ZNF445: variants seen among roughly 807,000 people sequenced by gnomAD.
ZNF445 encodes zinc finger protein 168.
Under a neutral mutation model 93.9 loss-of-function variants are expected in ZNF445, and 19 were observed. The observed-to-expected ratio is 0.20, with a 90% confidence interval of 0.14 to 0.30. ZNF445 has a LOEUF of 0.30. Ranked by LOEUF, ZNF445 falls within the 10% of genes least tolerant of loss-of-function variation. The probability of loss-of-function intolerance (pLI) is 1.00; values close to 1 mark genes in which losing one functional copy is unlikely to be tolerated. For synonymous variants in ZNF445, 449 were observed against 446.3 expected (o/e 1.01, Z -0.08); for missense variants, 1,058 against 1,259.4 (o/e 0.84, Z 2.42).
intron 1 of ZNF445, among the ~76,000 whole-genome samples, chr3:44,470,058 G>A (rs1439899914): frequency 6.6e-6 from 1 of 152,042 alleles, no homozygotes; most frequent in Non-Finnish European, 1.5e-5. Flanking sequence ...CTCCTGAATA[G>A]CTGAGACTAC....
intron 1 of ZNF445, among the ~76,000 whole-genome samples, chr3:44,459,253 C>A (rs1458463444): frequency 6.6e-6 from 1 of 152,092 alleles, no homozygotes. Flanking sequence ...AAATGTGTTT[C>A]CCTGAGTTTT....
At position 44,436,807 on chromosome 3, in the gene ZNF445, CAAGTT is replaced by C. The variant is rs1330997178; in HGVS notation, c.*9763_*9767del. On this transcript the variant is annotated 3_prime_UTR_variant, in exon 8 of 8. Transcript: ENST00000396077. ...ATGAAGACAGCCATTCTCAGCTTCT[CAAGTT>C]AAAACAATGAACCACAAATCTCTGC... 1 of 152,168 alleles carries C rather than the reference CAAGTT, an allele frequency of 6.6e-6. No individual in the cohort carries two copies. The highest frequency in any genetic ancestry group is 2.4e-5 in the African/African-American group (1 of 41,428). The allele number at this position is 152,168 out of a possible 1,614,324, so 9.4% of individuals were successfully genotyped here. A position where few individuals can be genotyped will look rare whatever the true frequency, so the allele number is the denominator to read the frequency against.
Position 44,456,894 on chromosome 3 carries a change from G to A in ZNF445, c.-147-1198C>T, listed in dbSNP as rs118159966. 2.0e-4 allele frequency among the ~76,000 whole-genome samples: 30 copies of A among 152,240 alleles called. No homozygotes were observed. In the East Asian group the frequency reaches 4.8e-3, roughly 25 times the overall value. ...TCAGGAGGTAATACTTTGGGAGGCC[G>A]AAGTGGGCGGACTGCTTGAGGTCAG... is the stretch of plus-strand genomic sequence containing the variant. On this transcript the variant is annotated intron_variant, in intron 2 of 7. Transcript: ENST00000396077.
rs766400690 is a variant in ZNF445, at chr3:44,441,727, T to A, written c.*4848A>T. On this transcript the variant is annotated 3_prime_UTR_variant, in exon 8 of 8. Coordinates refer to ENST00000396077, the MANE Select transcript of ZNF445 (RefSeq NM_181489.6). ...ACACTACCCTGTAAAAATCTTAACA[T>A]TGTGATGCCTCTGCATCAATTTTTA... is the stretch of plus-strand genomic sequence containing the variant. The A allele has an allele frequency of 1.3e-5, 2 of 152,196 alleles. No homozygotes were observed. The highest frequency in any genetic ancestry group is 2.9e-5 in the Non-Finnish European group (2 of 68,030). 9.4% of individuals were successfully genotyped at this position (152,196 alleles called of 1,614,324 possible). A position where few individuals can be genotyped will look rare whatever the true frequency, so the allele number is the denominator to read the frequency against.
At chr3:44,456,529 G>A (rs1386010738) in intron 2 of ZNF445, among the ~76,000 whole-genome samples, 1 of 152,216 alleles carries the variant, frequency 6.6e-6, no homozygotes, top group Non-Finnish European at 1.5e-5. Context: ...AAGACTTATA[G>A]CTATATTAAT....
chr3:44,471,246 T>C (rs1372415440), intron 1 of ZNF445, among the ~76,000 whole-genome samples: 3 of 152,148 alleles, frequency 2.0e-5, no homozygotes, highest in African/African-American at 7.2e-5. Flanking sequence ...AGCTTCTTTA[T>C]CTAGAAGTAA....
chr3:44,463,474 A>G (rs1183569155), intron 1 of ZNF445, among the ~76,000 whole-genome samples: 2 of 152,348 alleles, frequency 1.3e-5, no homozygotes, highest in African/African-American at 4.8e-5. Flanking sequence ...TGTTTTCCTC[A>G]TGAAACCACA....
At chr3:44,473,490 C>A (rs779323785) in intron 1 of ZNF445, among the ~76,000 whole-genome samples, 768 of 56,998 alleles carry the variant, frequency 0.013, 2 homozygotes, top group South Asian at 0.028. Context: ...CACACACACA[C>A]AAAAAATGCT....
chr3:44,474,105 G>A (rs967970523), intron 1 of ZNF445, among the ~76,000 whole-genome samples: 1 of 152,206 alleles, frequency 6.6e-6, no homozygotes, highest in Non-Finnish European at 1.5e-5. Flanking sequence ...CATATGCAAA[G>A]TAGTAAACTA....
chr3:44,439,034 G>A lies in ZNF445; in HGVS notation c.*7541C>T, dbSNP rs1697754906. ...AAAAAAAAAAAAAACAAGGACTCCA[G>A]GCATGGTGGCTCACACCTGTAATCC... On this transcript the variant is annotated 3_prime_UTR_variant, in exon 8 of 8. Transcript: ENST00000396077. 1 of 150,674 alleles carries A rather than the reference G, an allele frequency of 6.6e-6. No individual in the cohort carries two copies. The highest frequency in any genetic ancestry group is 2.4e-5 in the African/African-American group (1 of 40,926). The allele number at this position is 150,674 out of a possible 1,614,324, so 9.3% of individuals were successfully genotyped here. A position where few individuals can be genotyped will look rare whatever the true frequency, so the allele number is the denominator to read the frequency against.
Position 44,455,646 on chromosome 3 carries a change from T to C in ZNF445, c.-97A>G. The stretch of plus-strand genomic sequence containing the variant: ...TTCTCAGCAGTCAACAATGCCAACA[T>C]TTGCTGGGACATCAGAAGTCATCAG... On this transcript the variant is annotated 5_prime_UTR_variant, in exon 3 of 8. An upstream start codon of the reference 5' UTR is lost. Coordinates refer to ENST00000396077, the MANE Select transcript of ZNF445 (RefSeq NM_181489.6). 6 of 1,185,588 alleles carry C rather than the reference T, an allele frequency of 5.1e-6. No homozygotes were observed. The highest frequency in any genetic ancestry group is 7.0e-6 in the Non-Finnish European group (6 of 859,182). 73.4% of individuals were successfully genotyped at this position (1,185,588 alleles called of 1,614,324 possible). A position where few individuals can be genotyped will look rare whatever the true frequency, so the allele number is the denominator to read the frequency against.
chr3:44,476,591 T>C (rs1045244422), intron 1 of ZNF445, among the ~76,000 whole-genome samples: 2 of 152,320 alleles, frequency 1.3e-5, no homozygotes, highest in African/African-American at 4.8e-5. Context: ...ACTGAGTTTT[T>C]AGTTTTGCAC....
rs1054047145 is a variant in ZNF445 at position 44,442,401 on chromosome 3, T to C, written c.*4174A>G. 2.6e-5 allele frequency: 4 copies of C among 152,214 alleles called. No individual in the cohort carries two copies. The highest frequency in any genetic ancestry group is 9.7e-5 in the African/African-American group (4 of 41,450). 9.4% of individuals were successfully genotyped at this position (152,214 alleles called of 1,614,324 possible). ...ACACAACCTTCCAAGATTTTGCAAA[T>C]TGCCTGGCACAATATTTCTCACAAT... On this transcript the variant is annotated 3_prime_UTR_variant, in exon 8 of 8. Transcript: ENST00000396077.
At chr3:44,448,934 G>GGCA (rs1697918253) in intron 7 of ZNF445, among the ~76,000 whole-genome samples, 195 bp from the exon 8 acceptor site, 1 of 152,140 alleles carries the variant, frequency 6.6e-6, no homozygotes, top group Non-Finnish European at 1.5e-5. Context: ...AAGCAAGATG[G>GGCA]GCAGGGCAGC....
intron 1 of ZNF445, among the ~76,000 whole-genome samples, chr3:44,474,952 G>C (rs1266396877): frequency 1.3e-5 from 2 of 152,006 alleles, no homozygotes; most frequent in African/African-American, 4.8e-5. Flanking sequence ...ATGAAAATTA[G>C]CTGGGCGTGG....
Position 44,446,711 on chromosome 3 carries a change from A to G in ZNF445, c.2960T>C (p.Phe987Ser), listed in dbSNP as rs763630028. ...GCTAATGAGTTGTGAACTCTTGTTA[A>G]AAGTTTTCCCACATATGCTGCATTT... ...CHKCSICGKT[F>S]NKSSQLISHK... is the part of the protein sequence containing the mutation. The change falls in exon 8 of 8, where the codon TTT (phenylalanine) becomes TCT (serine). Residue 987 changes from phenylalanine to serine, a missense_variant. By Grantham distance (155) the Phe-to-Ser change is radical. Around this residue, in one of 3 missense-constraint regions of ZNF445, gnomAD observed 387 missense variants for 475.7 expected, o/e 0.81. Transcript: ENST00000396077. The surrounding 1 kb of genome is among the most constrained non-coding windows in gnomAD (Gnocchi z 4.2). 1.9e-6 allele frequency: 3 copies of G among 1,614,168 alleles called. No individual in the cohort carries two copies. The highest frequency in any genetic ancestry group is 1.7e-6 in the Non-Finnish European group (2 of 1,180,020).
intron 1 of ZNF445, among the ~76,000 whole-genome samples, chr3:44,463,851 G>C (rs1213934527): frequency 6.6e-6 from 1 of 151,736 alleles, no homozygotes; most frequent in Non-Finnish European, 1.5e-5. Flanking sequence ...CTGTCGACTG[G>C]TCATGGTAGC....
intron 1 of ZNF445, among the ~76,000 whole-genome samples, chr3:44,470,231 C>T (rs1698248732): frequency 6.6e-6 from 1 of 152,332 alleles, no homozygotes; most frequent in South Asian, 2.1e-4. Flanking sequence ...CGTCCAAGGA[C>T]ACTCCTACAC....
In ZNF445 at chr3:44,462,166, T is replaced by G. The variant is rs1396906163; in HGVS notation, c.-268-3802A>C. 2.6e-5 allele frequency among the ~76,000 whole-genome samples: 4 copies of G among 152,330 alleles called. No homozygotes were observed. In the East Asian group the frequency reaches 7.7e-4, roughly 29 times the overall value. On this transcript the variant is annotated intron_variant, in intron 1 of 7. Transcript: ENST00000396077. The stretch of plus-strand genomic sequence containing the variant: ...CGAAAGGACTATCACAGATAGAACG[T>G]GGGTTTAGGACCCCTATAAGTCCAC...
Sources: gnomAD v4.1 joint callset for allele counts (sites outside exome capture counted in the v4.1 genomes callset) on GRCh38, gnomAD v4.1.1 for gene constraint, gnomAD v4.1.1 regional missense constraint, Gnocchi (gnomAD v3.1) non-coding constraint, MANE v1.5 for transcripts, NCBI Gene and HGNC (gene_info 2026-07-23, HGNC 2026-07-21) for gene names.